The following NKAIN3 variants were observed in gnomAD, a reference collection of about 807,000 sequenced individuals.
NKAIN3 encodes the protein sodium/potassium transporting ATPase interacting 3.
In NKAIN3, 25 loss-of-function variants were observed where a neutral mutation model predicts 30.2. The observed-to-expected ratio is 0.83, with a 90% CI of 0.60 to 1.16. The LOEUF (loss-of-function observed/expected upper bound fraction) is 1.16. Ranked by LOEUF, NKAIN3 falls within the 50% of genes most tolerant of loss-of-function variation. NKAIN3 has a pLI of 0.00. For missense variants in NKAIN3, 225 were observed against 254.1 expected, an observed-to-expected ratio of 0.89 and a Z score of 0.78; for synonymous variants, 91 against 89.6, an observed-to-expected ratio of 1.02 and a Z score of -0.09.
Position 62,437,105 on chromosome 8 carries a change from T to C in NKAIN3, c.55-142434T>C, listed in dbSNP as rs552249454. 2.6e-5 allele frequency among the ~76,000 whole-genome samples: 4 copies of C among 152,272 alleles called. No individual in the cohort carries two copies. The East Asian group carries it at 7.7e-4, about 29-fold the overall frequency. ...AGATGCAATGATTAAAGACTGGTAC[T>C]ATTAGTTGTGAGATTTTCAAGGACA... On this transcript the variant is annotated intron_variant, in intron 1 of 6. Coordinates refer to ENST00000623646, the MANE Select transcript of NKAIN3 (RefSeq NM_001304533.3).
At chr8:62,771,823 T>C (rs1251931330) in intron 4 of NKAIN3, among the ~76,000 whole-genome samples, 1 of 152,202 alleles carries the variant, frequency 6.6e-6, no homozygotes, top group East Asian at 1.9e-4. Context: ...TGGGAGATAC[T>C]TTGATACAGG....
intron 3 of NKAIN3, among the ~76,000 whole-genome samples, chr8:62,595,108 A>C (rs1330330510): frequency 1.3e-5 from 2 of 151,982 alleles, no homozygotes; most frequent in African/African-American, 4.8e-5. Flanking sequence ...GAAAATTGAC[A>C]TACTGACTTT....
At chr8:62,366,833 A>G (rs554515322) in intron 1 of NKAIN3, among the ~76,000 whole-genome samples, 2 of 152,280 alleles carry the variant, frequency 1.3e-5, no homozygotes, top group South Asian at 4.1e-4. Flanking sequence ...ATTTATAGCT[A>G]CAAACCGCCC....
chr8:62,833,690 C>T (rs1179339393), intron 4 of NKAIN3, among the ~76,000 whole-genome samples: 1 of 151,374 alleles, frequency 6.6e-6, no homozygotes, highest in Non-Finnish European at 1.5e-5. Flanking sequence ...TAGTAGAAAA[C>T]CTACCAACAA....
intron 1 of NKAIN3, among the ~76,000 whole-genome samples, chr8:62,576,750 C>T (rs1332155490): frequency 2.0e-5 from 3 of 152,102 alleles, no homozygotes; most frequent in African/African-American, 7.2e-5. Context: ...CCTCCTGCCC[C>T]CTCAACCAAG....
At chr8:62,583,860 C>T (rs975552903) in intron 2 of NKAIN3, among the ~76,000 whole-genome samples, 1 of 152,054 alleles carries the variant, frequency 6.6e-6, no homozygotes, top group Non-Finnish European at 1.5e-5. Context: ...ATAAAAGTAC[C>T]TAAAGAATCA....
At chr8:62,741,701 C>T (rs1171866589) in intron 3 of NKAIN3, among the ~76,000 whole-genome samples, 1 of 152,216 alleles carries the variant, frequency 6.6e-6, no homozygotes, top group East Asian at 1.9e-4. Flanking sequence ...AAGTTGTCAA[C>T]TCTAATTGCA....
At chr8:62,694,632 G>A (rs1053433702) in intron 3 of NKAIN3, among the ~76,000 whole-genome samples, 11 of 151,598 alleles carry the variant, frequency 7.3e-5, no homozygotes, top group South Asian at 2.1e-4. Context: ...ATCTTCTGTC[G>A]TTGCTTCCCT....
At chr8:62,586,928 C>A (rs1810494109) in intron 2 of NKAIN3, among the ~76,000 whole-genome samples, 1 of 151,878 alleles carries the variant, frequency 6.6e-6, no homozygotes, top group Non-Finnish European at 1.5e-5. Context: ...GAAAAGCTTT[C>A]TTTACTACAA....
chr8:62,333,534 C>T (rs1250972222), intron 1 of NKAIN3, among the ~76,000 whole-genome samples: 1 of 152,018 alleles, frequency 6.6e-6, no homozygotes, highest in Admixed American at 6.6e-5. Flanking sequence ...TTGTAATAGT[C>T]ACATTTCTCT....
chr8:62,279,520 G>A (rs573829088), intron 1 of NKAIN3, among the ~76,000 whole-genome samples: 3 of 152,300 alleles, frequency 2.0e-5, no homozygotes, highest in East Asian at 3.9e-4. Context: ...TAACATTTAA[G>A]TCTTTAATCC....
chr8:62,601,299 G>A (rs1446721277), intron 3 of NKAIN3, among the ~76,000 whole-genome samples: 1 of 151,810 alleles, frequency 6.6e-6, no homozygotes, highest in Non-Finnish European at 1.5e-5. Flanking sequence ...TTTTCAAAAT[G>A]AATCCTAAAA....
intron 4 of NKAIN3, among the ~76,000 whole-genome samples, chr8:62,901,959 T>C (rs1821626171): frequency 6.6e-6 from 1 of 152,172 alleles, no homozygotes; most frequent in Non-Finnish European, 1.5e-5. Context: ...GGCTCCTTAT[T>C]GGCTAAGTCA....
chr8:62,960,503 A>G (rs532462582), intron 6 of NKAIN3, among the ~76,000 whole-genome samples: 1 of 151,864 alleles, frequency 6.6e-6, no homozygotes, highest in East Asian at 1.9e-4. Flanking sequence ...ATAGTCCACC[A>G]CCACCCCTGA....
At chr8:62,439,681 G>T (rs914493892) in intron 1 of NKAIN3, among the ~76,000 whole-genome samples, 2 of 152,178 alleles carry the variant, frequency 1.3e-5, no homozygotes, top group African/African-American at 4.8e-5. Flanking sequence ...AATGCTGAAT[G>T]TTTGGAACAT....
At chr8:62,826,027 C>T (rs116607427) in intron 4 of NKAIN3, among the ~76,000 whole-genome samples, 3,055 of 152,262 alleles carry the variant, frequency 0.02, 110 homozygotes, top group African/African-American at 0.07. Context: ...TAATATAATA[C>T]TTGCTCCTGG....
intron 4 of NKAIN3, among the ~76,000 whole-genome samples, chr8:62,851,302 AT>A (rs767842898): frequency 2.0e-5 from 3 of 152,120 alleles, no homozygotes; most frequent in Non-Finnish European, 4.4e-5. Flanking sequence ...TTGCACATTG[AT>A]TTTGTATCCT....
At chr8:62,693,346 G>T (rs1330048207) in intron 3 of NKAIN3, among the ~76,000 whole-genome samples, 1 of 152,206 alleles carries the variant, frequency 6.6e-6, no homozygotes, top group African/African-American at 2.4e-5. Context: ...AGGCAAGTGT[G>T]TTATCCTGAA....
intron 1 of NKAIN3, among the ~76,000 whole-genome samples, chr8:62,343,806 A>T (rs1034065884): frequency 1.3e-5 from 2 of 151,958 alleles, no homozygotes; most frequent in Non-Finnish European, 2.9e-5. Flanking sequence ...TCAAGTCTCT[A>T]TCTCTTAAAA....
Sources: allele counts gnomAD v4.1 joint callset (sites outside exome capture counted in the v4.1 genomes callset), GRCh38; gene constraint gnomAD v4.1.1; transcripts MANE v1.5; gene names NCBI Gene and HGNC (gene_info 2026-07-23, HGNC 2026-07-21).